Variants in IL1R1 observed in about 807,000 individuals in gnomAD.
The protein encoded by IL1R1 is interleukin 1 receptor type 1.
IL1R1 carries 22 observed loss-of-function variants against 50.2 expected under a neutral mutation model. The observed-to-expected ratio is 0.44, with a 90% CI of 0.31 to 0.63. IL1R1 has a LOEUF of 0.63. Ranked by LOEUF, IL1R1 falls within the 20% of genes least tolerant of loss-of-function variation. The pLI is 0.07. For synonymous variants in IL1R1, 251 were observed against 236.7 expected (o/e 1.06, Z -0.55); for missense variants, 509 against 676.2 (o/e 0.75, Z 2.74).
In IL1R1 at chr2:102,114,799, ATGCTTTGGATTGG is replaced by A. The variant is rs1460172573; in HGVS notation, c.-84+9928_-84+9940del. On this transcript the variant is annotated intron_variant, in intron 1 of 10. Coordinates refer to the IL1R1 transcript ENST00000409329. Reference sequence around the variant, plus strand: ...ACCTAGGCTCATAGGAAGGTAAAAAATGCTTTGGATTGGAAGTAGAGGCAGACCTTTACTTTAG... The same window carrying A: ...ACCTAGGCTCATAGGAAGGTAAAAAAAAGTAGAGGCAGACCTTTACTTTAG... 2.2e-3 allele frequency among the ~76,000 whole-genome samples: 337 copies of A among 152,298 alleles called. 1 individual carries two copies. The highest frequency in any genetic ancestry group is 7.6e-3 in the African/African-American group (316 of 41,552).
chr2:102,088,462 TAAA>T (rs1679521474), intron 1 of IL1R1, among the ~76,000 whole-genome samples: 1 of 152,164 alleles, frequency 6.6e-6, no homozygotes. Context: ...ACAGTGGGCT[TAAA>T]ATATTCAGTA....
intron 3 of IL1R1, among the ~76,000 whole-genome samples, chr2:102,161,203 T>C (rs555642519): frequency 1.3e-5 from 2 of 152,278 alleles, no homozygotes; most frequent in African/African-American, 4.8e-5. Context: ...CATGAGTTAT[T>C]TAGGAGTATG....
chr2:102,092,871 G>A (rs1679736213), intron 1 of IL1R1, among the ~76,000 whole-genome samples: 1 of 151,988 alleles, frequency 6.6e-6, no homozygotes, highest in Non-Finnish European at 1.5e-5. Context: ...AGTGCATCTT[G>A]TCTATAGAGG....
chr2:102,092,499 T>C (rs1191975967), intron 1 of IL1R1, among the ~76,000 whole-genome samples: 1 of 152,208 alleles, frequency 6.6e-6, no homozygotes, highest in Non-Finnish European at 1.5e-5. Context: ...TTGATATTCA[T>C]TTCCTGACCA....
At chr2:102,138,871 TTTTC>T (rs1276945388), upstream of IL1R1, among the ~76,000 whole-genome samples, 1 of 152,042 alleles carries the variant, frequency 6.6e-6, no homozygotes, top group African/African-American at 2.4e-5. Flanking sequence ...AAAAATGTAA[TTTTC>T]TTTATTTCTT....
At chr2:102,108,504 G>C (rs1680553887) in intron 1 of IL1R1, among the ~76,000 whole-genome samples, 1 of 151,822 alleles carries the variant, frequency 6.6e-6, no homozygotes, top group Non-Finnish European at 1.5e-5. Flanking sequence ...CTCTCTCCAG[G>C]GCCTGCTTTG....
intron 1 of IL1R1, among the ~76,000 whole-genome samples, chr2:102,075,287 A>G (rs1481502152): frequency 1.3e-5 from 2 of 152,210 alleles, no homozygotes; most frequent in Non-Finnish European, 2.9e-5. Flanking sequence ...TTGCACAGGA[A>G]AATGTTTCCA....
At chr2:102,143,321 A>G (rs1009057436) in intron 1 of IL1R1, among the ~76,000 whole-genome samples, 20 of 152,200 alleles carry the variant, frequency 1.3e-4, no homozygotes, top group African/African-American at 4.6e-4. Flanking sequence ...CTATCCGGCT[A>G]CGTTCTACAG....
At chr2:102,142,085 A>G (rs1457057793), upstream of IL1R1, 2 of 152,218 alleles carry the variant, frequency 1.3e-5, no homozygotes, top group Non-Finnish European at 2.9e-5. Flanking sequence ...ATTTTATAGT[A>G]TGACACTTAA....
At chr2:102,140,110 C>T (rs1559482525), upstream of IL1R1, among the ~76,000 whole-genome samples, 3 of 152,188 alleles carry the variant, frequency 2.0e-5, no homozygotes, top group South Asian at 6.2e-4. Context: ...TTCTTCTGTA[C>T]TCCGTGGTTT....
chr2:102,083,835 T>C (rs1467388686), intron 1 of IL1R1, among the ~76,000 whole-genome samples: 1 of 151,584 alleles, frequency 6.6e-6, no homozygotes, highest in African/African-American at 2.4e-5. Context: ...TCCCAGCTAC[T>C]CAGGAGGCTG....
intron 1 of IL1R1, among the ~76,000 whole-genome samples, chr2:102,075,983 A>C (rs1298830391): frequency 6.6e-6 from 1 of 152,170 alleles, no homozygotes; most frequent in Non-Finnish European, 1.5e-5. Context: ...TTCAGGTATG[A>C]TATAAGAACT....
chr2:102,172,192 C>A (rs1244567330), intron 8 of IL1R1: 3 of 815,080 alleles, frequency 3.7e-6, no homozygotes, highest in Non-Finnish European at 4.4e-6. Flanking sequence ...AAGCAATTAT[C>A]TTTCATTATT....
chr2:102,083,665 GC>G (rs1679313816), intron 1 of IL1R1, among the ~76,000 whole-genome samples: 1 of 152,204 alleles, frequency 6.6e-6, no homozygotes, highest in South Asian at 2.1e-4. Flanking sequence ...GGAAATATCG[GC>G]CAGGTGTGGT....
chr2:102,176,500 A>G lies in IL1R1; in HGVS notation c.1451A>G (p.Lys484Arg), dbSNP rs1177251807. Residue 484 changes from lysine to arginine, a missense_variant, in exon 12 of 12, where the codon AAA becomes AGA. By Grantham distance (26) the Lys-to-Arg change is conservative. Coordinates refer to ENST00000410023, the MANE Select transcript of IL1R1 (RefSeq NM_000877.4). ...AATGCTCTTGTTCAGGATGGAATTAAAGTTGTCCTGCTTGAGCTGGAGAAA... is the reference window on the plus strand; with the variant it reads ...AATGCTCTTGTTCAGGATGGAATTAGAGTTGTCCTGCTTGAGCTGGAGAAA... ...MYNALVQDGI[K>R]VVLLELEKIQ... is the part of the protein sequence containing the mutation. 1.9e-6 allele frequency: 3 copies of G among 1,614,102 alleles called. No individual in the cohort carries two copies. The highest frequency in any genetic ancestry group is 2.5e-6 in the Non-Finnish European group (3 of 1,180,044).
chr2:102,103,276 G>A (rs979405623), upstream of IL1R1, among the ~76,000 whole-genome samples: 1 of 152,146 alleles, frequency 6.6e-6, no homozygotes, highest in Non-Finnish European at 1.5e-5. Flanking sequence ...TCAGAGTCGG[G>A]AAAATCACCC....
chr2:102,123,343 C>CT (rs988717318), intron 1 of IL1R1, among the ~76,000 whole-genome samples: 23 of 152,052 alleles, frequency 1.5e-4, no homozygotes, highest in South Asian at 4.2e-4. Context: ...ATACATTTAG[C>CT]TTTTTTTTGG....
intron 1 of IL1R1, among the ~76,000 whole-genome samples, chr2:102,078,176 A>G (rs1679055276): frequency 6.6e-6 from 1 of 152,132 alleles, no homozygotes; most frequent in Non-Finnish European, 1.5e-5. Flanking sequence ...AGAATACTAA[A>G]TGCCAAATAT....
At chr2:102,134,293 C>T (rs1577923576) in intron 1 of IL1R1, among the ~76,000 whole-genome samples, 3 of 152,222 alleles carry the variant, frequency 2.0e-5, no homozygotes, top group East Asian at 3.9e-4. Context: ...TTAGGCTGCT[C>T]TCTCTGCAGT....
Sources: allele counts gnomAD v4.1 joint callset (sites outside exome capture counted in the v4.1 genomes callset), GRCh38; gene constraint gnomAD v4.1.1; transcripts MANE v1.5; gene names NCBI Gene and HGNC (gene_info 2026-07-23, HGNC 2026-07-21).